Variants in DOCK1 observed in about 807,000 individuals in gnomAD.
DOCK1 encodes the protein dedicator of cytokinesis protein 1.
DOCK1 carries 138 observed loss-of-function variants against 262.7 expected under a neutral mutation model. The ratio of observed to expected loss-of-function variants is 0.53; its 90% CI spans 0.46 to 0.61. The LOEUF (loss-of-function observed/expected upper bound fraction) is 0.61. Ranked by LOEUF, DOCK1 falls within the 20% of genes least tolerant of loss-of-function variation. DOCK1 has a pLI of 0.00. For synonymous variants in DOCK1, 866 were observed against 867.4 expected, an observed-to-expected ratio of 1.00 and a Z score of 0.03; for missense variants, 1,908 against 2,370.7, an observed-to-expected ratio of 0.80 and a Z score of 4.05.
intron 23 of DOCK1, among the ~76,000 whole-genome samples, chr10:127,086,094 C>G (rs912717974): frequency 6.6e-6 from 1 of 152,122 alleles, no homozygotes; most frequent in Non-Finnish European, 1.5e-5. Flanking sequence ...TTCAGGAGTT[C>G]GTGACTCGGT....
intron 27 of DOCK1, among the ~76,000 whole-genome samples, chr10:127,223,553 A>C (rs1268920449): frequency 6.6e-6 from 1 of 152,232 alleles, no homozygotes; most frequent in Non-Finnish European, 1.5e-5. Flanking sequence ...ATTTCAGATG[A>C]GAGATATTGA....
intron 27 of DOCK1, among the ~76,000 whole-genome samples, chr10:127,241,532 C>T (rs796712510): frequency 7.9e-5 from 12 of 152,212 alleles, no homozygotes; most frequent in African/African-American, 2.9e-4. Flanking sequence ...GGCTTTCCTG[C>T]ATGGCAAGCC....
intron 21 of DOCK1, among the ~76,000 whole-genome samples, chr10:127,047,251 G>A (rs2044410254): frequency 1.3e-5 from 2 of 152,140 alleles, no homozygotes; most frequent in South Asian, 4.1e-4. Flanking sequence ...AGTGTGGATA[G>A]AATTAAAAAT....
At chr10:127,347,803 G>C (rs1325660780) in intron 31 of DOCK1, among the ~76,000 whole-genome samples, 1 of 138,816 alleles carries the variant, frequency 7.2e-6, no homozygotes, top group African/African-American at 2.7e-5. Flanking sequence ...CCAACCTAAG[G>C]CATCTGAGGG....
At chr10:127,252,968 A>T (rs1482072997) in intron 28 of DOCK1, among the ~76,000 whole-genome samples, 2 of 152,126 alleles carry the variant, frequency 1.3e-5, no homozygotes, top group South Asian at 2.1e-4. Flanking sequence ...AGTCATTTTC[A>T]TACAAAATCA....
intron 27 of DOCK1, among the ~76,000 whole-genome samples, chr10:127,211,955 C>A (rs1404117370): frequency 2.0e-5 from 3 of 152,076 alleles, no homozygotes; most frequent in Non-Finnish European, 4.4e-5. Context: ...AAAGTAGTGC[C>A]CTTTGAAAAG....
At chr10:126,911,639 G>A (rs1466898133) in intron 1 of DOCK1, among the ~76,000 whole-genome samples, 6 of 152,142 alleles carry the variant, frequency 3.9e-5, no homozygotes, top group African/African-American at 1.4e-4. Context: ...CAAGGCCACT[G>A]TTCATGCATA....
At chr10:127,108,907 T>C (rs1316331500) in intron 24 of DOCK1, among the ~76,000 whole-genome samples, 3 of 152,224 alleles carry the variant, frequency 2.0e-5, no homozygotes, top group East Asian at 1.9e-4. Flanking sequence ...TAAATGGCAG[T>C]GGTTCAAGGC....
chr10:126,965,038 T>C (rs2037557056), intron 1 of DOCK1, among the ~76,000 whole-genome samples: 1 of 152,204 alleles, frequency 6.6e-6, no homozygotes, highest in African/African-American at 2.4e-5. Context: ...AATCCAATGA[T>C]TAATAAATAT....
chr10:127,317,377 T>G (rs993309092), intron 29 of DOCK1, among the ~76,000 whole-genome samples: 1 of 152,174 alleles, frequency 6.6e-6, no homozygotes, highest in Non-Finnish European at 1.5e-5. Context: ...AATTCTTGGA[T>G]TTGCTGAAAT....
chr10:127,036,473 G>C (rs546437909), intron 18 of DOCK1, among the ~76,000 whole-genome samples: 1 of 151,640 alleles, frequency 6.6e-6, no homozygotes, highest in African/African-American at 2.4e-5. Context: ...TTCTTCTTCA[G>C]TATTAACTAG....
intron 23 of DOCK1, among the ~76,000 whole-genome samples, chr10:127,085,572 A>G (rs905908590): frequency 1.3e-5 from 2 of 152,174 alleles, no homozygotes; most frequent in African/African-American, 2.4e-5. Context: ...ATCCTGGCTA[A>G]CATAGTGAAA....
In DOCK1 at chr10:127,354,688, C is replaced by T; in HGVS notation, c.3244C>T (p.Gln1082Ter). The change falls in exon 32 of 52, where the codon CAG (glutamine) becomes TAG (stop). Residue 1082 changes from glutamine to a stop codon, truncating the protein, a stop_gained. Coordinates refer to ENST00000623213, the MANE Select transcript of DOCK1 (RefSeq NM_001290223.2). LOFTEE classifies it high-confidence loss of function. ...TTCCAGGTACGGAGATATGAGGAGACAGATTGGCTTTGAAATCAGAGACAT... is the reference window on the plus strand; with the variant it reads ...TTCCAGGTACGGAGATATGAGGAGATAGATTGGCTTTGAAATCAGAGACAT... ...ILNKYGDMRR[Q>*]IGFEIRDMWY... 1.9e-6 allele frequency: 3 copies of T among 1,613,906 alleles called. No homozygotes were observed. The highest frequency in any genetic ancestry group is 1.7e-6 in the Non-Finnish European group (2 of 1,179,824).
At chr10:126,992,312 G>A (rs2039847302) in intron 6 of DOCK1, among the ~76,000 whole-genome samples, 1 of 152,138 alleles carries the variant, frequency 6.6e-6, no homozygotes, top group Admixed American at 6.5e-5. Flanking sequence ...AAAGTACATT[G>A]TATCATGGAA....
chr10:126,983,711 T>C (rs1400956578), intron 4 of DOCK1, among the ~76,000 whole-genome samples: 2 of 152,222 alleles, frequency 1.3e-5, no homozygotes, highest in Non-Finnish European at 2.9e-5. Context: ...CTTGCTTGCA[T>C]TGACTCTCGT....
chr10:127,144,080 G>A (rs1473011939), intron 27 of DOCK1, among the ~76,000 whole-genome samples: 1 of 151,918 alleles, frequency 6.6e-6, no homozygotes, highest in Non-Finnish European at 1.5e-5. Flanking sequence ...CTTCCTCTCC[G>A]CCCACCTTCC....
At chr10:127,314,754 A>G (rs2062201279) in intron 29 of DOCK1, among the ~76,000 whole-genome samples, 1 of 152,256 alleles carries the variant, frequency 6.6e-6, no homozygotes, top group South Asian at 2.1e-4. Flanking sequence ...GCTGTTGGAA[A>G]GAACCCTGTC....
At chr10:126,934,660 A>C (rs1009905422) in intron 1 of DOCK1, among the ~76,000 whole-genome samples, 1 of 151,450 alleles carries the variant, frequency 6.6e-6, no homozygotes, top group African/African-American at 2.4e-5. Context: ...ATGTGTGTCA[A>C]CTTAACCTAC....
chr10:127,077,539 C>T (rs1480597674), intron 23 of DOCK1, among the ~76,000 whole-genome samples: 1 of 152,108 alleles, frequency 6.6e-6, no homozygotes, highest in East Asian at 1.9e-4. Flanking sequence ...GTGCGCTTTT[C>T]ACATGGATTC....
Sources: allele counts gnomAD v4.1 joint callset (sites outside exome capture counted in the v4.1 genomes callset), GRCh38; gene constraint gnomAD v4.1.1; transcripts MANE v1.5; gene names NCBI Gene and HGNC (gene_info 2026-07-23, HGNC 2026-07-21).